Variants in ELP4 observed in about 807,000 individuals in gnomAD.
The protein encoded by ELP4 is elongator acetyltransferase complex subunit 4.
Under a neutral mutation model 48.9 loss-of-function variants are expected in ELP4, and 51 were observed. That is an observed-to-expected ratio of 1.04 (90% CI 0.83 to 1.32). The LOEUF (loss-of-function observed/expected upper bound fraction) is 1.32, where lower values mean the gene tolerates loss of function less well. ELP4 is among the 40% of genes most tolerant of loss of function. The pLI is 0.00. For missense variants in ELP4, 519 were observed against 514.6 expected (o/e 1.01, Z -0.08); for synonymous variants, 210 against 189.2 (o/e 1.11, Z -0.90).
intron 9 of ELP4, among the ~76,000 whole-genome samples, chr11:31,693,901 T>C (rs1946338603): frequency 6.6e-6 from 1 of 152,256 alleles, no homozygotes; most frequent in Admixed American, 6.5e-5. Context: ...TTTGCATTTC[T>C]TTGATGGTCA....
intron 9 of ELP4, among the ~76,000 whole-genome samples, chr11:31,675,626 G>A (rs1395064038): frequency 6.6e-6 from 1 of 152,052 alleles, no homozygotes; most frequent in Admixed American, 6.6e-5. Context: ...TAGGCACTGT[G>A]GGAAATGCAA....
intron 9 of ELP4, among the ~76,000 whole-genome samples, chr11:31,707,650 TA>T (rs766520664): frequency 9.9e-5 from 15 of 152,156 alleles, no homozygotes; most frequent in Admixed American, 2.6e-4. Context: ...CTTAGTGGCT[TA>T]AAATAACATA....
chr11:31,690,628 A>G (rs1253254373), intron 9 of ELP4, among the ~76,000 whole-genome samples: 1 of 151,984 alleles, frequency 6.6e-6, no homozygotes, highest in Admixed American at 6.6e-5. Context: ...TTAGCTTCCT[A>G]CCTTCATTTT....
intron 3 of ELP4, among the ~76,000 whole-genome samples, chr11:31,583,097 T>C (rs1957416623): frequency 6.6e-6 from 1 of 152,132 alleles, no homozygotes; most frequent in African/African-American, 2.4e-5. Flanking sequence ...TCCTGACTCT[T>C]AGGGAAAAGT....
intron 1 of ELP4, among the ~76,000 whole-genome samples, chr11:31,515,033 G>GTGTATATATATA (rs1263600301): frequency 1.5e-5 from 2 of 133,968 alleles, no homozygotes; most frequent in Non-Finnish European, 3.2e-5. Context: ...GTGTGTGTGT[G>GTGTATATATATA]TATATATATA....
At chr11:31,536,889 A>G (rs983285763) in intron 2 of ELP4, among the ~76,000 whole-genome samples, 6 of 152,160 alleles carry the variant, frequency 3.9e-5, no homozygotes, top group Non-Finnish European at 8.8e-5. Context: ...CCAGTCCTCT[A>G]CTATGTATAT....
intron 9 of ELP4, among the ~76,000 whole-genome samples, chr11:31,695,841 C>T (rs1946392989): frequency 6.9e-6 from 1 of 144,030 alleles, no homozygotes; most frequent in African/African-American, 2.6e-5. Context: ...GCCTCAATTT[C>T]AGAGCCTGTT....
In ELP4 at chr11:31,539,699, C is replaced by A. The variant is rs1956562542; in HGVS notation, c.297C>A (p.Phe99Leu). The A allele has an allele frequency of 1.9e-6, 3 of 1,610,040 alleles. No homozygotes were observed. Among genetic ancestry groups the A allele is most frequent in the Non-Finnish European group, 2.5e-6 (3 of 1,178,134 alleles). ...ATAATATTTACTCACCTTTGCTCTT[C>A]AAGTATTTCCTGGCAGAAGGAATTG... ...DKYNIYSPLL[F>L]KYFLAEGIVN... is the part of the protein sequence containing the mutation. Residue 99 changes from phenylalanine (F) to leucine (L), a missense_variant, in exon 3 of 10, where the codon TTC (phenylalanine) becomes TTA (leucine). Phe to Leu is a conservative substitution (Grantham distance 22). Coordinates refer to ENST00000640961, the MANE Select transcript of ELP4 (RefSeq NM_019040.5).
intron 1 of ELP4, among the ~76,000 whole-genome samples, chr11:31,516,709 C>T (rs1309567708): frequency 1.3e-5 from 2 of 152,168 alleles, no homozygotes; most frequent in Non-Finnish European, 2.9e-5. Context: ...CCAGGCTTGT[C>T]TCAAACTCTT....
intron 9 of ELP4, among the ~76,000 whole-genome samples, chr11:31,758,724 T>C (rs1947882343): frequency 6.6e-6 from 1 of 150,814 alleles, no homozygotes; most frequent in African/African-American, 2.4e-5. Flanking sequence ...TTGAGTACAG[T>C]GGTGCAGTCA....
chr11:31,691,279 AT>A (rs1051967922), intron 9 of ELP4, among the ~76,000 whole-genome samples: 64 of 152,164 alleles, frequency 4.2e-4, no homozygotes, highest in Middle Eastern at 3.4e-3. Context: ...AAACTAGACT[AT>A]ATCTGTTAAC....
intron 9 of ELP4, among the ~76,000 whole-genome samples, chr11:31,737,403 G>A (rs1376233063): frequency 6.6e-6 from 1 of 151,832 alleles, no homozygotes; most frequent in Non-Finnish European, 1.5e-5. Flanking sequence ...CACCAACATG[G>A]CACATGTATA....
rs751230982 is a variant in ELP4, at chr11:31,783,470, G to T, written c.1221G>T (p.Arg407=). 1.2e-6 allele frequency: 2 copies of T among 1,614,134 alleles called. No homozygotes were observed. The highest frequency in any genetic ancestry group is 1.7e-6 in the Non-Finnish European group (2 of 1,179,974). Residue 407 remains arginine (R), a synonymous_variant, in exon 10 of 10, where the codon CGG becomes CGT. Coordinates refer to ENST00000640961, the MANE Select transcript of ELP4 (RefSeq NM_019040.5). The part of the protein sequence containing the change: ...SKMDLAESAK[R]LGPGCGMMAG... ...TGGATCTGGCAGAATCCGCCAAGCG[G>T]CTGGGCCCAGGCTGTGGCATGATGG...
intron 9 of ELP4, among the ~76,000 whole-genome samples, chr11:31,667,941 T>A (rs1361833283): frequency 6.6e-6 from 1 of 152,222 alleles, no homozygotes; most frequent in African/African-American, 2.4e-5. Context: ...TCATTAAGTC[T>A]ACTTTTTTAT....
At chr11:31,717,753 CAAA>C (rs1363398602) in intron 9 of ELP4, among the ~76,000 whole-genome samples, 1 of 97,802 alleles carries the variant, frequency 1.0e-5, no homozygotes, top group Non-Finnish European at 2.2e-5. Context: ...CACTGTGTCT[CAAA>C]AAAAAAAAAA....
At chr11:31,660,087 G>A (rs1185016551) in intron 9 of ELP4, among the ~76,000 whole-genome samples, 1 of 152,048 alleles carries the variant, frequency 6.6e-6, no homozygotes. Flanking sequence ...TTTAATTAAT[G>A]AAATGTTTAT....
intron 3 of ELP4, among the ~76,000 whole-genome samples, chr11:31,589,266 A>G (rs1033093696): frequency 6.6e-6 from 1 of 152,190 alleles, no homozygotes; most frequent in Non-Finnish European, 1.5e-5. Context: ...GTCAGAATAT[A>G]TACATTACCA....
chr11:31,751,912 T>TC (rs1337172444), intron 9 of ELP4, among the ~76,000 whole-genome samples: 3 of 152,060 alleles, frequency 2.0e-5, no homozygotes, highest in Non-Finnish European at 4.4e-5. Flanking sequence ...TCAAAAATCT[T>TC]CCCCACAAAA....
rs541596419 is a variant in ELP4 at position 31,594,733 on chromosome 11, C to T, written c.382-37C>T. On this transcript the variant is annotated intron_variant, in intron 3 of 9. Coordinates refer to ENST00000640961, the MANE Select transcript of ELP4 (RefSeq NM_019040.5). Reference sequence around the variant, plus strand: ...GTTTAAGAAAATTGTCATATTTTACCACAGAATCTCAATTATGTGTCATTT... The same window carrying T: ...GTTTAAGAAAATTGTCATATTTTACTACAGAATCTCAATTATGTGTCATTT... 7.1e-6 allele frequency: 10 copies of T among 1,413,800 alleles called. No individual in the cohort carries two copies. The East Asian group carries it at 8.2e-5, about 12-fold the overall frequency. 87.6% of individuals were successfully genotyped at this position (1,413,800 alleles called of 1,614,324 possible).
Sources: gnomAD v4.1 joint callset for allele counts (sites outside exome capture counted in the v4.1 genomes callset) on GRCh38, gnomAD v4.1.1 for gene constraint, MANE v1.5 for transcripts, NCBI Gene and HGNC (gene_info 2026-07-23, HGNC 2026-07-21) for gene names.